RASAL1: variants seen among roughly 807,000 people sequenced by gnomAD.
RASAL1 encodes the protein rasGAP-activating-like protein 1.
A neutral mutation model predicts 96.6 loss-of-function variants in RASAL1; 72 were observed. The observed-to-expected ratio is 0.75, with a 90% CI of 0.62 to 0.91. RASAL1 has a LOEUF of 0.91. Ranked by LOEUF, RASAL1 falls within the 40% of genes least tolerant of loss-of-function variation. The pLI is 0.00. For synonymous variants in RASAL1, 405 were observed against 430.4 expected (o/e 0.94, Z 0.73); for missense variants, 1,016 against 1,072.5 (o/e 0.95, Z 0.74).
At position 113,112,323 on chromosome 12, in the gene RASAL1, G is replaced by A. The variant is rs1173857754; in HGVS notation, c.1182-45C>T. On this transcript the variant is annotated intron_variant, in intron 12 of 20. Transcript: ENST00000548055. The stretch of plus-strand genomic sequence containing the variant: ...AGCTCAGCCTCGGGGCACAACATCT[G>A]CCTGCTCCAAACCCTCCACCGGCCC... 8.1e-6 allele frequency: 10 copies of A among 1,240,978 alleles called. 1 individual carries two copies. The highest frequency in any genetic ancestry group is 2.1e-4 in the Middle Eastern group (1 of 4,704). 76.9% of individuals were successfully genotyped at this position (1,240,978 alleles called of 1,614,324 possible).
At position 113,099,957 on chromosome 12, in the gene RASAL1, T is replaced by C. The variant is rs1324138018; in HGVS notation, c.2390A>G (p.Lys797Arg). ...GGGGCCAAGGGGGCCCAGGGCCGCC[T>C]TCCCTCGCTCCTGCTGCTGGAACTC... ...HEEFQQQERGKAALGPLGP is the reference protein window; with the variant it reads ...HEEFQQQERGRAALGPLGP The change falls in exon 21 of 21, where the codon AAG (lysine) becomes AGG (arginine). Residue 797 changes from lysine (K) to arginine (R), a missense_variant. Lys to Arg is a conservative substitution (Grantham distance 26). Coordinates refer to ENST00000548055, the MANE Select transcript of RASAL1 (RefSeq NM_001301202.2). The C allele has an allele frequency of 6.2e-6, 10 of 1,612,892 alleles. No homozygotes were observed. Among genetic ancestry groups the C allele is most frequent in the Non-Finnish European group, 5.9e-6 (7 of 1,179,318 alleles).
At chr12:113,104,387 G>A in intron 16 of RASAL1, 89 bp from the exon 17 acceptor site, 1 of 1,329,624 alleles carries the variant, frequency 7.5e-7, no homozygotes, top group Non-Finnish European at 1.0e-6. Flanking sequence ...AGCAGGTGGA[G>A]TCAGTTCCCA....
intron 2 of RASAL1, 99 bp from the exon 3 acceptor site, chr12:113,128,277 CACACGGGAATCCAG>C: frequency 2.9e-6 from 2 of 699,504 alleles, no homozygotes; most frequent in Non-Finnish European, 4.9e-6. Context: ...CACACACACA[CACACGGGAATCCAG>C]ACACACACAC....
rs1403384549 is a variant in RASAL1 at position 113,107,172 on chromosome 12, G to A, written c.1582C>T (p.His528Tyr). Residue 528 changes from histidine to tyrosine, a missense_variant, in exon 15 of 21, where the codon CAC becomes TAC. Physicochemically the swap from His to Tyr is moderately conservative, Grantham distance 83. Coordinates refer to ENST00000548055, the MANE Select transcript of RASAL1 (RefSeq NM_001301202.2). ...GAGACACACTGCAGCAGGAAGGGGTGCAGGGGGGCCATCCACAGTTCCTTG... is the reference window on the plus strand; with the variant it reads ...GAGACACACTGCAGCAGGAAGGGGTACAGGGGGGCCATCCACAGTTCCTTG... ...QGKELWMAPL[H>Y]PFLLQCVSRV... 1.2e-6 allele frequency: 2 copies of A among 1,613,878 alleles called. No individual in the cohort carries two copies. The highest frequency in any genetic ancestry group is 2.2e-5 in the South Asian group (2 of 91,028).
intron 4 of RASAL1, among the ~76,000 whole-genome samples, chr12:113,127,418 G>A (rs757771124): frequency 3.9e-4 from 59 of 152,134 alleles, no homozygotes; most frequent in Non-Finnish European, 1.8e-4. Flanking sequence ...GGCCAAGGTG[G>A]GAGGATTGCT....
At chr12:113,131,188 G>A (rs375058642) in intron 1 of RASAL1, among the ~76,000 whole-genome samples, 2 of 150,664 alleles carry the variant, frequency 1.3e-5, no homozygotes, top group Admixed American at 6.6e-5. Context: ...GGAGGCCTGA[G>A]GCCAGCAGGT....
intron 4 of RASAL1, among the ~76,000 whole-genome samples, chr12:113,124,947 AC>A (rs549152796): frequency 1.4e-3 from 209 of 152,312 alleles, no homozygotes; most frequent in African/African-American, 5.0e-3. Context: ...TAGATCAAAG[AC>A]TTAAATGTGT....
intron 13 of RASAL1, among the ~76,000 whole-genome samples, chr12:113,110,304 C>A (rs1950821410): frequency 6.6e-6 from 1 of 152,184 alleles, no homozygotes; most frequent in Non-Finnish European, 1.5e-5. Flanking sequence ...CATCTGTAAA[C>A]AGGAAGTGGA....
rs1390389633 is a variant in RASAL1, at chr12:113,130,760, C to T, written c.122+125G>A. On this transcript the variant is annotated intron_variant, in intron 2 of 20. Transcript: ENST00000548055. This position sits in a 1 kb window ranked among gnomAD's most constrained non-coding sequence, Gnocchi z 5.1. ...GTCCCAGCTGGACACAAATCACCCA[C>T]CTGCAGGCCCGCGAGTCCCCCTCAG... The T allele has an allele frequency of 9.5e-6, 7 of 738,840 alleles. No individual in the cohort carries two copies. Among genetic ancestry groups the T allele is most frequent in the Non-Finnish European group, 1.5e-5 (7 of 456,354 alleles). The allele number at this position is 738,840 out of a possible 1,614,324, so 45.8% of individuals were successfully genotyped here. A position where few individuals can be genotyped will look rare whatever the true frequency, so the allele number is the denominator to read the frequency against.
rs1951638386 is a variant in RASAL1 at position 113,129,939 on chromosome 12, GGTTTGGGGTGGT to G, written c.122+934_122+945del. ...GGGTCACACAGAAAATCAATCTGTGGGTTTGGGGTGGTGTCAGGGAATGTATCAAGGGGCCAG... is the reference window on the plus strand; with the variant it reads ...GGGTCACACAGAAAATCAATCTGTGGGTCAGGGAATGTATCAAGGGGCCAG... On this transcript the variant is annotated intron_variant, in intron 2 of 20. Coordinates refer to ENST00000548055, the MANE Select transcript of RASAL1 (RefSeq NM_001301202.2). This position sits in a 1 kb window ranked among gnomAD's most constrained non-coding sequence, Gnocchi z 5.0. 6.6e-6 allele frequency among the ~76,000 whole-genome samples: 1 copy of G among 152,206 alleles called. No homozygotes were observed. Among genetic ancestry groups the G allele is most frequent in the Non-Finnish European group, 1.5e-5 (1 of 68,032 alleles).
chr12:113,122,838 G>A (rs1010807239), intron 4 of RASAL1, among the ~76,000 whole-genome samples: 1 of 152,060 alleles, frequency 6.6e-6, no homozygotes, highest in African/African-American at 2.4e-5. Flanking sequence ...ATTTTTGCCT[G>A]TCTCTAATTT....
rs1452674838 is a variant in RASAL1 at position 113,104,053 on chromosome 12, G to A, written c.1997C>T (p.Ser666Leu). Residue 666 changes from serine to leucine, a missense_variant, in exon 18 of 21, where the codon TCG (serine) becomes TTG (leucine). Transcript: ENST00000548055. ...GGGGGCGCTGGCCTTGCGCAAGGCC[G>A]AGAGCCACTGGTTGAGCTCATTCAC... ...KNVNELNQWL[S>L]ALRKASAPNP... 1 of 1,552,822 alleles carries A rather than the reference G, an allele frequency of 6.4e-7. No homozygotes were observed. Among genetic ancestry groups the A allele is most frequent in the Admixed American group, 1.8e-5 (1 of 56,072 alleles).
intron 4 of RASAL1, among the ~76,000 whole-genome samples, chr12:113,124,352 G>C (rs1951408997): frequency 1.3e-5 from 2 of 152,090 alleles, no homozygotes; most frequent in African/African-American, 4.8e-5. Flanking sequence ...GAAAGTAGAA[G>C]TCTCATCTCA....
rs115470689 is a variant in RASAL1, at chr12:113,108,030, C to T, written c.1512+55G>A. The stretch of plus-strand genomic sequence containing the variant: ...TCTGGCCTCCCAGCTCTGCTCCTAC[C>T]ATGCTTTTTTCCCTGGCTAAAGTAC... On this transcript the variant is annotated intron_variant, in intron 14 of 20. Coordinates refer to ENST00000548055, the MANE Select transcript of RASAL1 (RefSeq NM_001301202.2). 7.6e-4 allele frequency: 1,178 copies of T among 1,560,038 alleles called. 10 individuals are homozygous for T. In the African/African-American group the frequency reaches 0.015, roughly 20 times the overall value.
chr12:113,131,096 T>G (rs1257831022), intron 1 of RASAL1, among the ~76,000 whole-genome samples, 155 bp from the exon 2 acceptor site: 1 of 152,020 alleles, frequency 6.6e-6, no homozygotes, highest in African/African-American at 2.4e-5. Context: ...AGTAGAACCT[T>G]AGGGGACCAG....
chr12:113,102,446 T>C (rs1950482804), intron 18 of RASAL1, among the ~76,000 whole-genome samples: 1 of 152,138 alleles, frequency 6.6e-6, no homozygotes, highest in African/African-American at 2.4e-5. Context: ...TAATCTCAGC[T>C]ACTTGGGAGG....
intron 7 of RASAL1, 66 bp downstream of exon 7, chr12:113,119,062 C>G: frequency 6.6e-7 from 1 of 1,509,316 alleles, no homozygotes; most frequent in African/African-American, 1.4e-5. Context: ...CTCAGCCCGT[C>G]TCATCTTTCT....
Position 113,107,256 on chromosome 12 carries a change from C to A in RASAL1, c.1513-15G>T. The A allele has an allele frequency of 6.3e-7, 1 of 1,576,096 alleles. No individual in the cohort carries two copies. Among genetic ancestry groups the A allele is most frequent in the Non-Finnish European group, 8.6e-7 (1 of 1,160,012 alleles). ...CTCTGCACAGCCTGGAGCAAAGAAG[C>A]GAGGGATGCCGGGGCCAAGGTCACA... On this transcript the variant is annotated splice_polypyrimidine_tract_variant and intron_variant, in intron 14 of 20. Coordinates refer to ENST00000548055, the MANE Select transcript of RASAL1 (RefSeq NM_001301202.2).
At chr12:113,103,343 G>T (rs150016253) in intron 18 of RASAL1, among the ~76,000 whole-genome samples, 1 of 151,740 alleles carries the variant, frequency 6.6e-6, no homozygotes. Flanking sequence ...CGGTGGCTCA[G>T]GCCTGTAATC....
Sources: gnomAD v4.1 joint callset for allele counts (sites outside exome capture counted in the v4.1 genomes callset) on GRCh38, gnomAD v4.1.1 for gene constraint, Gnocchi (gnomAD v3.1) non-coding constraint, MANE v1.5 for transcripts, NCBI Gene and HGNC (gene_info 2026-07-23, HGNC 2026-07-21) for gene names.